Variants in TAS2R1 observed in about 807,000 individuals in gnomAD.
The protein encoded by TAS2R1 is taste receptor type 2 member 1.
For missense variants in TAS2R1, 370 were observed against 353.4 expected (o/e 1.05, Z -0.38); for synonymous variants, 141 against 134.2 (o/e 1.05, Z -0.35).
At chr5:9,656,663 A>G (rs558513167) in intron 2 of TAS2R1, among the ~76,000 whole-genome samples, 2 of 152,346 alleles carry the variant, frequency 1.3e-5, no homozygotes, top group South Asian at 4.1e-4. Flanking sequence ...TCTCATCCAG[A>G]AACTCCCTCA....
the TAS2R1 span, among the ~76,000 whole-genome samples, chr5:9,840,865 T>A: frequency 0.11 from 569 of 4,960 alleles, 43 homozygotes; most frequent in South Asian, 0.17. Flanking sequence ...TTATTTTTTT[T>A]TTTTTTTTTT....
At chr5:9,770,765 A>G in the TAS2R1 span, among the ~76,000 whole-genome samples, 2 of 152,134 alleles carry the variant, frequency 1.3e-5, no homozygotes, top group Non-Finnish European at 2.9e-5. Context: ...CTGCAACTTT[A>G]CTGCATTGGT....
At chr5:9,834,259 A>T in the TAS2R1 span, among the ~76,000 whole-genome samples, 2 of 152,230 alleles carry the variant, frequency 1.3e-5, no homozygotes, top group African/African-American at 4.8e-5. Context: ...TTCTCCCCAG[A>T]GTTTCCTCAA....
chr5:9,780,363 C>T, the TAS2R1 span, among the ~76,000 whole-genome samples: 2 of 152,210 alleles, frequency 1.3e-5, no homozygotes, highest in East Asian at 3.8e-4. Context: ...TTACACAGGA[C>T]CTTTGTGTCA....
At chr5:9,715,864 G>A (rs1396672786), upstream of TAS2R1, among the ~76,000 whole-genome samples, 2 of 152,182 alleles carry the variant, frequency 1.3e-5, no homozygotes, top group Non-Finnish European at 2.9e-5. Context: ...AGCCAACAGA[G>A]CAAGATTGAA....
chr5:9,788,201 T>C, the TAS2R1 span, among the ~76,000 whole-genome samples: 1 of 152,240 alleles, frequency 6.6e-6, no homozygotes, highest in South Asian at 2.1e-4. Context: ...ATATGTGTGT[T>C]CAATCCAAAT....
At chr5:9,651,968 G>C (rs1385997441) in intron 2 of TAS2R1, among the ~76,000 whole-genome samples, 2 of 152,252 alleles carry the variant, frequency 1.3e-5, no homozygotes, top group East Asian at 3.9e-4. Flanking sequence ...TCTGATTTTT[G>C]TCATGACTGT....
chr5:9,731,361 G>A, the TAS2R1 span, among the ~76,000 whole-genome samples: 203 of 152,110 alleles, frequency 1.3e-3, 1 homozygote, highest in African/African-American at 4.6e-3. Context: ...ACTCAGCCGC[G>A]GCACCCCCTT....
At chr5:9,665,512 T>A (rs1199507981) in intron 1 of TAS2R1, among the ~76,000 whole-genome samples, 2 of 152,224 alleles carry the variant, frequency 1.3e-5, no homozygotes, top group Non-Finnish European at 2.9e-5. Context: ...ACCAGGGATT[T>A]AAACCCAAAT....
rs184192246 is a variant in TAS2R1, at chr5:9,680,904, A to C, written c.-241-21323T>G. Among the ~76,000 whole-genome samples the C allele has an allele frequency of 7.2e-3, 1,095 of 152,108 alleles. 11 individuals are homozygous for C. Among genetic ancestry groups the C allele is most frequent in the African/African-American group, 0.025 (1,024 of 41,504 alleles). The stretch of plus-strand genomic sequence containing the variant: ...CCTGTCTCTACTAAAAATAAAAAAA[A>C]ATAAAAAAATTAGCCAGGTATGGTG... On this transcript the variant is annotated intron_variant, in intron 1 of 2. Coordinates refer to the TAS2R1 transcript ENST00000506620.
the TAS2R1 span, among the ~76,000 whole-genome samples, chr5:9,830,982 T>G: frequency 6.6e-6 from 1 of 152,176 alleles, no homozygotes; most frequent in Non-Finnish European, 1.5e-5. Context: ...AAAAATCATC[T>G]CATGCTTGCA....
At chr5:9,680,660 T>A (rs762882378) in intron 1 of TAS2R1, among the ~76,000 whole-genome samples, 29 of 152,150 alleles carry the variant, frequency 1.9e-4, no homozygotes, top group Non-Finnish European at 3.7e-4. Context: ...AAAAAACACC[T>A]GACCAGTATT....
At chr5:9,676,759 A>T (rs1740885207) in intron 1 of TAS2R1, among the ~76,000 whole-genome samples, 1 of 152,176 alleles carries the variant, frequency 6.6e-6, no homozygotes, top group Non-Finnish European at 1.5e-5. Context: ...GATAAATTAG[A>T]CTTTATTAAA....
chr5:9,701,022 T>C (rs1254121486), intron 1 of TAS2R1, among the ~76,000 whole-genome samples: 3 of 151,520 alleles, frequency 2.0e-5, no homozygotes, highest in African/African-American at 7.3e-5. Context: ...AGCATCAGCA[T>C]TGCAGCAACA....
At chr5:9,848,610 A>T in the TAS2R1 span, among the ~76,000 whole-genome samples, 6 of 152,208 alleles carry the variant, frequency 3.9e-5, no homozygotes, top group Non-Finnish European at 8.8e-5. Flanking sequence ...ACCACAAAAA[A>T]AATAATGTGG....
At chr5:9,759,812 C>T in the TAS2R1 span, among the ~76,000 whole-genome samples, 2 of 152,158 alleles carry the variant, frequency 1.3e-5, no homozygotes, top group Non-Finnish European at 2.9e-5. Flanking sequence ...CTTAGTTCAC[C>T]AGTGAACAGC....
In TAS2R1 at chr5:9,627,583, A is replaced by G. The variant is rs1316884342; in HGVS notation, c.*1550T>C. Among the ~76,000 whole-genome samples, 1 of 152,234 alleles carries G rather than the reference A, an allele frequency of 6.6e-6. No individual in the cohort carries two copies. Among genetic ancestry groups the G allele is most frequent in the African/African-American group, 2.4e-5 (1 of 41,458 alleles). On this transcript the variant is annotated 3_prime_UTR_variant, in exon 1 of 1. Coordinates refer to ENST00000382492, the MANE Select transcript of TAS2R1 (RefSeq NM_019599.3). ...ACTCTTTCAGGTACACGTATCACAG[A>G]TTCAAGGAACAGAATATTCTCTGAA...
At chr5:9,888,966 C>T in the TAS2R1 span, among the ~76,000 whole-genome samples, 1 of 152,206 alleles carries the variant, frequency 6.6e-6, no homozygotes, top group African/African-American at 2.4e-5. Flanking sequence ...TGGAGGACTA[C>T]TTAAGAGTTA....
the TAS2R1 span, among the ~76,000 whole-genome samples, chr5:9,890,887 C>T: frequency 6.6e-6 from 1 of 152,178 alleles, no homozygotes; most frequent in South Asian, 2.1e-4. Flanking sequence ...AAGTGGATTA[C>T]TGGAGGTTTG....
Sources: allele counts gnomAD v4.1 joint callset (sites outside exome capture counted in the v4.1 genomes callset), GRCh38; gene constraint gnomAD v4.1.1; transcripts MANE v1.5; gene names NCBI Gene and HGNC (gene_info 2026-07-23, HGNC 2026-07-21).